NBEAL1: variants seen among roughly 807,000 people sequenced by gnomAD.
NBEAL1 encodes neurobeachin like 1.
A neutral mutation model predicts 351.3 loss-of-function variants in NBEAL1; 273 were observed. The observed-to-expected ratio is 0.78, with a 90% CI of 0.70 to 0.86. NBEAL1 has a LOEUF of 0.86. NBEAL1 is among the 40% of genes least tolerant of loss of function. The pLI, the probability that NBEAL1 is intolerant of heterozygous loss-of-function variation, is 0.00. For missense variants in NBEAL1, 2,961 were observed against 3,201.3 expected, an observed-to-expected ratio of 0.92 and a Z score of 1.81; for synonymous variants, 1,050 against 1,086.4, an observed-to-expected ratio of 0.97 and a Z score of 0.66.
chr2:203,100,377 T>C (rs2062287039), intron 12 of NBEAL1, among the ~76,000 whole-genome samples: 1 of 152,126 alleles, frequency 6.6e-6, no homozygotes, highest in African/African-American at 2.4e-5. Flanking sequence ...AGTGTATAAG[T>C]GTTTCCTTTT....
chr2:203,201,011 ATC>A (rs2065382713), intron 49 of NBEAL1, among the ~76,000 whole-genome samples: 1 of 152,212 alleles, frequency 6.6e-6, no homozygotes, highest in South Asian at 2.1e-4. Flanking sequence ...TTTCTGCAGA[ATC>A]TGGATTGGCT....
chr2:203,111,798 G>A (rs528930989), intron 15 of NBEAL1, among the ~76,000 whole-genome samples, 181 bp from the exon 16 acceptor site: 1 of 152,314 alleles, frequency 6.6e-6, no homozygotes, highest in South Asian at 2.1e-4. Flanking sequence ...TATAGAATAT[G>A]CTTACGTGCT....
chr2:203,141,366 A>ATT lies in NBEAL1; in HGVS notation c.4848+2649_4848+2650dup, dbSNP rs71034219. ...GATTATTATTATTATTATTATTATT[A>ATT]TTTTTTTTTTTTTTTTTTTTTTTTT... On this transcript the variant is annotated intron_variant, in intron 31 of 55. Transcript: ENST00000683969. Among the ~76,000 whole-genome samples the ATT allele has an allele frequency of 1.6e-3, 15 of 9,112 alleles. 1 individual carries two copies. Among genetic ancestry groups the ATT allele is most frequent in the South Asian group, 5.3e-3 (1 of 190 alleles). The allele number at this position is 9,112 out of a possible 152,430, so 6.0% of individuals were successfully genotyped here.
chr2:203,033,130 A>T (rs1047339189), intron 2 of NBEAL1, among the ~76,000 whole-genome samples: 6 of 151,938 alleles, frequency 3.9e-5, no homozygotes, highest in African/African-American at 9.7e-5. Flanking sequence ...CCTCCCGAGT[A>T]GCTGGGACTA....
intron 36 of NBEAL1, among the ~76,000 whole-genome samples, chr2:203,163,201 C>T (rs1249952795): frequency 6.6e-6 from 1 of 152,052 alleles, no homozygotes; most frequent in Non-Finnish European, 1.5e-5. Flanking sequence ...TTCTCTTTAA[C>T]ATATTTGTAA....
intron 33 of NBEAL1, among the ~76,000 whole-genome samples, chr2:203,145,663 T>C (rs568451243): frequency 3.3e-5 from 5 of 151,798 alleles, no homozygotes; most frequent in Non-Finnish European, 7.4e-5. Flanking sequence ...CTGGGCATGG[T>C]AGCATGTGCC....
At chr2:203,178,891 T>C (rs1211190935) in intron 42 of NBEAL1, among the ~76,000 whole-genome samples, 1 of 152,198 alleles carries the variant, frequency 6.6e-6, no homozygotes, top group Middle Eastern at 3.2e-3. Flanking sequence ...TATACTGAAT[T>C]AAACCTTTGA....
chr2:203,194,875 G>A (rs538171546), intron 47 of NBEAL1, among the ~76,000 whole-genome samples: 1 of 152,082 alleles, frequency 6.6e-6, no homozygotes, highest in South Asian at 2.1e-4. Flanking sequence ...TGATAATGTA[G>A]TGTAAAAAAT....
chr2:203,215,603 G>T (rs772187553), intron 55 of NBEAL1, among the ~76,000 whole-genome samples: 1 of 151,866 alleles, frequency 6.6e-6, no homozygotes, highest in Non-Finnish European at 1.5e-5. Flanking sequence ...CAGGAGAATC[G>T]CTTGAACCCA....
intron 4 of NBEAL1, among the ~76,000 whole-genome samples, chr2:203,055,968 A>T (rs1462766136): frequency 6.6e-6 from 1 of 152,226 alleles, no homozygotes; most frequent in Admixed American, 6.5e-5. Flanking sequence ...TTAAAAGGAA[A>T]CCGTAATTCA....
chr2:203,092,023 CTTAAT>C (rs2062074694), intron 10 of NBEAL1, among the ~76,000 whole-genome samples: 1 of 152,126 alleles, frequency 6.6e-6, no homozygotes, highest in South Asian at 2.1e-4. Flanking sequence ...CTAGTAGGAA[CTTAAT>C]TTATTTCCAA....
intron 25 of NBEAL1, 24 bp from the exon 26 acceptor site, chr2:203,131,949 G>A (rs777363557): frequency 2.0e-6 from 3 of 1,471,882 alleles, no homozygotes; most frequent in South Asian, 2.8e-5. Context: ...TCTATATTGA[G>A]AATATATTAC....
At chr2:203,104,141 A>T (rs1404172561) in intron 12 of NBEAL1, among the ~76,000 whole-genome samples, 1 of 152,188 alleles carries the variant, frequency 6.6e-6, no homozygotes, top group Non-Finnish European at 1.5e-5. Flanking sequence ...TGTTAAGCTC[A>T]GGTCCTGAAT....
Position 203,211,064 on chromosome 2 carries a change from C to T in NBEAL1, c.7892C>T (p.Thr2631Ile). 3 of 1,606,596 alleles carry T rather than the reference C, an allele frequency of 1.9e-6. No homozygotes were observed. Among genetic ancestry groups the T allele is most frequent in the East Asian group, 2.2e-5 (1 of 44,580 alleles). The change falls in exon 54 of 56, where the codon ACA becomes ATA. Residue 2631 changes from threonine (T) to isoleucine (I), a missense_variant. Transcript: ENST00000683969. ...TGTATAATCGGAGAACACATTGTCA[C>T]AGGCAGCATACAAGGATTCCTGTCT... is the stretch of plus-strand genomic sequence containing the variant. ...DICIIGEHIV[T>I]GSIQGFLSIR...
intron 47 of NBEAL1, among the ~76,000 whole-genome samples, chr2:203,195,502 T>C (rs2065215115): frequency 6.6e-6 from 1 of 152,188 alleles, no homozygotes; most frequent in African/African-American, 2.4e-5. Flanking sequence ...TATGACTAAT[T>C]CCCAGGATGT....
chr2:203,115,825 A>G (rs571860067), intron 17 of NBEAL1, among the ~76,000 whole-genome samples, 160 bp from the exon 18 acceptor site: 1 of 152,358 alleles, frequency 6.6e-6, no homozygotes, highest in Non-Finnish European at 1.5e-5. Flanking sequence ...GTTTTAGATA[A>G]ACTGGAATAT....
intron 48 of NBEAL1, 38 bp downstream of exon 48, chr2:203,197,429 A>G (rs2065269268): frequency 1.6e-6 from 2 of 1,253,958 alleles, no homozygotes; most frequent in Non-Finnish European, 2.3e-6. Context: ...TGCTATGCCT[A>G]TATTCATTAC....
At chr2:203,099,101 C>T (rs1047757894) in intron 11 of NBEAL1, among the ~76,000 whole-genome samples, 5 of 151,862 alleles carry the variant, frequency 3.3e-5, no homozygotes, top group African/African-American at 7.3e-5. Context: ...CATGGAGAAA[C>T]CCTGTCTCTA....
Position 203,099,720 on chromosome 2 carries a change from A to G in NBEAL1, c.1269+8A>G, listed in dbSNP as rs377646357. The G allele has an allele frequency of 4.1e-5, 63 of 1,519,316 alleles. No individual in the cohort carries two copies. The African/African-American group carries it at 7.7e-4, about 19-fold the overall frequency. The allele number at this position is 1,519,316 out of a possible 1,614,324, so 94.1% of individuals were successfully genotyped here. On this transcript the variant is annotated splice_region_variant and intron_variant, in intron 12 of 55. Transcript: ENST00000683969. ...AAATCTCCAGCTGCTAAGGTGAAAC[A>G]TATATCCTCCAGCTTTTTTTTTTTT...
Sources: gnomAD v4.1 joint callset for allele counts (sites outside exome capture counted in the v4.1 genomes callset) on GRCh38, gnomAD v4.1.1 for gene constraint, MANE v1.5 for transcripts, NCBI Gene and HGNC (gene_info 2026-07-23, HGNC 2026-07-21) for gene names.